Variants in MTA3 observed in about 807,000 individuals in gnomAD.
MTA3 encodes the protein metastasis-associated protein MTA3.
Under a neutral mutation model 83.5 loss-of-function variants are expected in MTA3, and 34 were observed. The ratio of observed to expected loss-of-function variants is 0.41; its 90% CI spans 0.31 to 0.54. MTA3 has a LOEUF of 0.54. Among genes scored for constraint, MTA3 ranks in the 20% least tolerant of loss-of-function variants. The probability of loss-of-function intolerance (pLI) is 0.33; values close to 1 mark genes in which losing one functional copy is unlikely to be tolerated. For synonymous variants in MTA3, 303 were observed against 252.7 expected (o/e 1.20, Z -1.89); for missense variants, 761 against 726.4 (o/e 1.05, Z -0.55).
chr2:42,675,689 G>C (rs1448994940), intron 8 of MTA3, among the ~76,000 whole-genome samples: 1 of 152,068 alleles, frequency 6.6e-6, no homozygotes, highest in Non-Finnish European at 1.5e-5. Flanking sequence ...TTTCAAATTT[G>C]TGTTATCTTA....
intron 8 of MTA3, among the ~76,000 whole-genome samples, chr2:42,671,152 G>A (rs1690757507): frequency 6.6e-6 from 1 of 152,078 alleles, no homozygotes; most frequent in Admixed American, 6.5e-5. Flanking sequence ...ATGTCCTTCA[G>A]TGTGGGTTAT....
chr2:42,542,044 G>A (rs1676540742), intron 2 of MTA3, among the ~76,000 whole-genome samples: 1 of 152,162 alleles, frequency 6.6e-6, no homozygotes, highest in African/African-American at 2.4e-5. Flanking sequence ...TGTGTGTGCT[G>A]TCTCCTTTCT....
At chr2:42,636,955 G>T (rs1222745767) in intron 4 of MTA3, among the ~76,000 whole-genome samples, 1 of 152,082 alleles carries the variant, frequency 6.6e-6, no homozygotes, top group Non-Finnish European at 1.5e-5. Flanking sequence ...ATATGTACTA[G>T]CTTTAGATAA....
intron 12 of MTA3, among the ~76,000 whole-genome samples, chr2:42,705,453 C>G (rs1352605579): frequency 5.9e-5 from 9 of 152,132 alleles, no homozygotes; most frequent in African/African-American, 1.7e-4. Context: ...GCCTGTAATC[C>G]CAGCACTTTG....
upstream of MTA3, among the ~76,000 whole-genome samples, chr2:42,564,516 T>C (rs1053195464): frequency 2.0e-5 from 3 of 152,196 alleles, no homozygotes; most frequent in African/African-American, 7.2e-5. Context: ...TTGGGTTATG[T>C]TCCTCTGCCT....
At chr2:42,509,867 T>G (rs1674815086) in intron 2 of MTA3, among the ~76,000 whole-genome samples, 1 of 152,192 alleles carries the variant, frequency 6.6e-6, no homozygotes, top group Non-Finnish European at 1.5e-5. Context: ...ACTGGCTATA[T>G]TAATGTATAC....
intron 9 of MTA3, among the ~76,000 whole-genome samples, chr2:42,695,118 C>A (rs1693258935): frequency 6.6e-6 from 1 of 151,034 alleles, no homozygotes; most frequent in Non-Finnish European, 1.5e-5. Flanking sequence ...CCTGGGTGAC[C>A]CTGTCTCTTA....
chr2:42,584,908 C>T (rs1238627355), intron 3 of MTA3, among the ~76,000 whole-genome samples: 3 of 151,528 alleles, frequency 2.0e-5, no homozygotes, highest in Non-Finnish European at 2.9e-5. Context: ...ATTAAGAGAC[C>T]TAGAAAGTAA....
intron 3 of MTA3, among the ~76,000 whole-genome samples, chr2:42,594,338 G>A (rs974340091): frequency 6.9e-6 from 1 of 145,880 alleles, no homozygotes; most frequent in Non-Finnish European, 1.5e-5. Flanking sequence ...CCGGGCTCAA[G>A]CAATTCTTAT....
chr2:42,722,472 A>G (rs1667484083), intron 15 of MTA3, among the ~76,000 whole-genome samples: 1 of 152,132 alleles, frequency 6.6e-6, no homozygotes, highest in Non-Finnish European at 1.5e-5. Flanking sequence ...GAAAGTTCGC[A>G]TACGTGACAT....
intron 16 of MTA3, among the ~76,000 whole-genome samples, chr2:42,741,993 G>T (rs1198026859): frequency 2.6e-5 from 4 of 152,132 alleles, no homozygotes; most frequent in Admixed American, 6.5e-5. Context: ...ACAGAGCAAA[G>T]CTTAATAAAA....
chr2:42,536,556 G>A (rs1186006265), intron 2 of MTA3, among the ~76,000 whole-genome samples: 1 of 151,686 alleles, frequency 6.6e-6, no homozygotes, highest in Non-Finnish European at 1.5e-5. Flanking sequence ...TGATAATTGA[G>A]TGATTAGGAG....
At chr2:42,625,232 A>T (rs1442168604) in intron 4 of MTA3, among the ~76,000 whole-genome samples, 1 of 151,538 alleles carries the variant, frequency 6.6e-6, no homozygotes. Context: ...GGGTTTCACC[A>T]TGTTGGCCAG....
intron 8 of MTA3, among the ~76,000 whole-genome samples, chr2:42,670,962 A>G (rs2104406082): frequency 6.6e-6 from 1 of 152,116 alleles, no homozygotes; most frequent in African/African-American, 2.4e-5. Context: ...TAGTTGTCCC[A>G]GTAATGTTCT....
intron 8 of MTA3, among the ~76,000 whole-genome samples, chr2:42,682,017 G>A (rs566102665): frequency 6.6e-6 from 1 of 152,030 alleles, no homozygotes; most frequent in Non-Finnish European, 1.5e-5. Context: ...GACCAGCCTG[G>A]GCAACATAGC....
At chr2:42,670,738 C>CT (rs1178129736) in intron 8 of MTA3, among the ~76,000 whole-genome samples, 2 of 129,016 alleles carry the variant, frequency 1.6e-5, no homozygotes, top group Non-Finnish European at 3.3e-5. Flanking sequence ...TCCATAAACT[C>CT]TAACACTATA....
Position 42,568,736 on chromosome 2 carries a change from G to C in MTA3, c.-10G>C, listed in dbSNP as rs999655923. 2.5e-6 allele frequency: 3 copies of C among 1,216,744 alleles called. No individual in the cohort carries two copies. Among genetic ancestry groups the C allele is most frequent in the Non-Finnish European group, 3.1e-6 (3 of 979,150 alleles). The allele number at this position is 1,216,744 out of a possible 1,614,324, so 75.4% of individuals were successfully genotyped here. A position where few individuals can be genotyped will look rare whatever the true frequency, so the allele number is the denominator to read the frequency against. On this transcript the variant is annotated 5_prime_UTR_variant, in exon 1 of 17. Transcript: ENST00000405094. ...GGCTCGGCTCGGGCTCCGCGGGCGG[G>C]CGGGCGGACATGGCGGCCAACATGT...
At chr2:42,550,605 G>A (rs1418219314) in intron 2 of MTA3, among the ~76,000 whole-genome samples, 1 of 152,214 alleles carries the variant, frequency 6.6e-6, no homozygotes, top group Non-Finnish European at 1.5e-5. Context: ...AGATTTGGCA[G>A]AGTACATGGG....
At chr2:42,729,086 GTTTTTTTTTTTTTT>G (rs1216600680) in intron 16 of MTA3, among the ~76,000 whole-genome samples, 1 of 60,142 alleles carries the variant, frequency 1.7e-5, no homozygotes, top group Admixed American at 2.6e-4. Context: ...CACAGTTTGA[GTTTTTTTTTTTTTT>G]TTTTTTTTTT....
Sources: allele counts gnomAD v4.1 joint callset (sites outside exome capture counted in the v4.1 genomes callset), GRCh38; gene constraint gnomAD v4.1.1; transcripts MANE v1.5; gene names NCBI Gene and HGNC (gene_info 2026-07-23, HGNC 2026-07-21).